ATP8B4: variants seen among roughly 807,000 people sequenced by gnomAD.
The protein encoded by ATP8B4 is ATPase phospholipid transporting 8B4 (putative), also known as probable phospholipid-transporting ATPase IM.
A neutral mutation model predicts 145.6 loss-of-function variants in ATP8B4; 133 were observed. That is an observed-to-expected ratio of 0.91 (90% CI 0.79 to 1.05). The LOEUF (loss-of-function observed/expected upper bound fraction) is 1.05, where lower values mean the gene tolerates loss of function less well. Ranked by LOEUF, ATP8B4 falls within the 50% of genes least tolerant of loss-of-function variation. The pLI is 0.00. For missense variants in ATP8B4, 1,458 were observed against 1,425.2 expected, an observed-to-expected ratio of 1.02 and a Z score of -0.37; for synonymous variants, 507 against 492.9, an observed-to-expected ratio of 1.03 and a Z score of -0.38.
chr15:50,123,036 C>A (rs1247808254), upstream of ATP8B4, among the ~76,000 whole-genome samples: 2 of 152,168 alleles, frequency 1.3e-5, no homozygotes, highest in African/African-American at 4.8e-5. Context: ...AAATAGCACA[C>A]AACCCAGCAC....
chr15:50,125,408 GGAAGTGTAGGGTCC>G (rs1231205004), intron 1 of ATP8B4, among the ~76,000 whole-genome samples: 1 of 152,122 alleles, frequency 6.6e-6, no homozygotes, highest in African/African-American at 2.4e-5. Flanking sequence ...ATGACACTTG[GGAAGTGTAGGGTCC>G]AAGATCAAAG....
At chr15:49,914,214 C>T (rs191231586) in intron 20 of ATP8B4, among the ~76,000 whole-genome samples, 208 of 152,186 alleles carry the variant, frequency 1.4e-3, no homozygotes, top group African/African-American at 4.6e-3. Flanking sequence ...ACACTAAGTA[C>T]ACACACTAGA....
At chr15:50,168,605 G>C (rs1183239503) in intron 1 of ATP8B4, among the ~76,000 whole-genome samples, 1 of 152,144 alleles carries the variant, frequency 6.6e-6, no homozygotes, top group African/African-American at 2.4e-5. Flanking sequence ...AGAGGAGCAG[G>C]GGGTAAAAGT....
chr15:49,862,623 A>AT (rs948750132), intron 26 of ATP8B4, among the ~76,000 whole-genome samples: 4 of 151,760 alleles, frequency 2.6e-5, no homozygotes, highest in Middle Eastern at 3.4e-3. Flanking sequence ...CGCCCGGCTA[A>AT]TTTTTTTTGT....
chr15:49,872,675 TG>T (rs1445833294), intron 25 of ATP8B4, among the ~76,000 whole-genome samples: 1 of 152,120 alleles, frequency 6.6e-6, no homozygotes, highest in Admixed American at 6.6e-5. Flanking sequence ...ACAAAATACC[TG>T]GTGACCAGTC....
rs751158436 is a variant in ATP8B4 at position 49,979,743 on chromosome 15, C to G, written c.908G>C (p.Gly303Ala). The G allele has an allele frequency of 1.2e-6, 2 of 1,611,210 alleles. No individual in the cohort carries two copies. The highest frequency in any genetic ancestry group is 1.7e-6 in the Non-Finnish European group (2 of 1,177,950). Residue 303 changes from glycine to alanine, a missense_variant, in exon 12 of 28, where the codon GGG (glycine) becomes GCG (alanine). Transcript: ENST00000284509. ...AAAGAGGAAAGTTCTGAATTGGTCC[C>G]CAGTTTGACTCTCCCAGATTGAATT... is the stretch of plus-strand genomic sequence containing the variant. ...IGNSIWESQT[G>A]DQFRTFLFWN... is the part of the protein sequence containing the mutation.
At chr15:50,102,689 T>C (rs1444272409) in intron 2 of ATP8B4, among the ~76,000 whole-genome samples, 5 of 152,016 alleles carry the variant, frequency 3.3e-5, no homozygotes, top group East Asian at 1.9e-4. Flanking sequence ...ACCAATCCTT[T>C]TGACACTATT....
intron 17 of ATP8B4, chr15:49,922,389 A>G (rs781298504): frequency 6.7e-6 from 3 of 447,706 alleles, no homozygotes; most frequent in Non-Finnish European, 1.3e-5. Flanking sequence ...AAAAATTTAA[A>G]AGACCATGCT....
chr15:49,860,522 A>C, intron 27 of ATP8B4, 47 bp from the exon 28 acceptor site: 2 of 1,523,750 alleles, frequency 1.3e-6, no homozygotes, highest in Non-Finnish European at 1.8e-6. Context: ...CAAATGATAG[A>C]CTCCAGGCAG....
intron 3 of ATP8B4, among the ~76,000 whole-genome samples, chr15:50,065,701 C>T (rs777581373): frequency 3.3e-5 from 5 of 152,064 alleles, no homozygotes; most frequent in Non-Finnish European, 7.4e-5. Flanking sequence ...ATTCTGCCAT[C>T]AAAAATTGCT....
chr15:50,075,364 C>T (rs59563803), intron 2 of ATP8B4, among the ~76,000 whole-genome samples: 377 of 152,250 alleles, frequency 2.5e-3, no homozygotes, highest in African/African-American at 8.5e-3. Context: ...AAATTTTTTC[C>T]AAAAGTGCAG....
intron 1 of ATP8B4, among the ~76,000 whole-genome samples, chr15:50,139,694 G>C (rs1203832721): frequency 6.6e-6 from 1 of 152,164 alleles, no homozygotes; most frequent in Non-Finnish European, 1.5e-5. Context: ...GCATTAAGTA[G>C]TTCTCACTGT....
At chr15:50,068,350 A>G (rs1230464792) in intron 3 of ATP8B4, among the ~76,000 whole-genome samples, 1 of 152,214 alleles carries the variant, frequency 6.6e-6, no homozygotes, top group Non-Finnish European at 1.5e-5. Flanking sequence ...GAAAATCCAA[A>G]TGGGCATTGT....
chr15:49,973,766 A>G (rs1400174393), intron 12 of ATP8B4, among the ~76,000 whole-genome samples: 3 of 152,220 alleles, frequency 2.0e-5, no homozygotes, highest in African/African-American at 7.2e-5. Context: ...CATAATGCCA[A>G]ACTAATTTCC....
chr15:49,923,631 G>A, intron 16 of ATP8B4, 137 bp from the exon 17 acceptor site: 1 of 568,882 alleles, frequency 1.8e-6, no homozygotes, highest in Non-Finnish European at 3.1e-6. Flanking sequence ...AGTGCCTTTG[G>A]TTAGGTCATT....
intron 25 of ATP8B4, among the ~76,000 whole-genome samples, chr15:49,872,512 G>A (rs947942662): frequency 6.6e-6 from 1 of 152,118 alleles, no homozygotes; most frequent in Non-Finnish European, 1.5e-5. Context: ...AAGTAGTCAA[G>A]ATTAGCATCA....
chr15:50,017,261 T>C (rs550784744), intron 6 of ATP8B4, among the ~76,000 whole-genome samples: 2 of 152,338 alleles, frequency 1.3e-5, no homozygotes, highest in South Asian at 4.1e-4. Flanking sequence ...AAAAATATTC[T>C]ACAGATAACC....
chr15:50,112,858 T>C (rs1030008910), intron 1 of ATP8B4, among the ~76,000 whole-genome samples: 4 of 152,062 alleles, frequency 2.6e-5, no homozygotes, highest in African/African-American at 9.7e-5. Context: ...TCCCTAACAT[T>C]TTTTCACAAT....
rs1048179603 is a variant in ATP8B4 at position 49,918,954 on chromosome 15, T to C, written c.1924-4A>G. ...CTACAGCAGTGGCACCTAGTAGCTT[T>C]ATTGAAAAAGAGAGAAAAGTTTATG... On this transcript the variant is annotated splice_region_variant and splice_polypyrimidine_tract_variant and intron_variant, in intron 18 of 27. Transcript: ENST00000284509. 2 of 1,599,504 alleles carry C rather than the reference T, an allele frequency of 1.3e-6. No individual in the cohort carries two copies. The highest frequency in any genetic ancestry group is 1.3e-5 in the African/African-American group (1 of 74,488).
Sources: allele counts gnomAD v4.1 joint callset (sites outside exome capture counted in the v4.1 genomes callset), GRCh38; gene constraint gnomAD v4.1.1; transcripts MANE v1.5; gene names NCBI Gene and HGNC (gene_info 2026-07-23, HGNC 2026-07-21).